Variants in LRP1B observed in about 807,000 individuals in gnomAD.
LRP1B encodes low-density lipoprotein receptor-related protein 1B.
LRP1B carries 217 observed loss-of-function variants against 556.6 expected under a neutral mutation model. That is an observed-to-expected ratio of 0.39 (90% CI 0.35 to 0.44). The LOEUF is 0.44. Ranked by LOEUF, LRP1B falls within the 20% of genes least tolerant of loss-of-function variation. LRP1B has a pLI of 1.00. For missense variants in LRP1B, 5,053 were observed against 5,620.8 expected, an observed-to-expected ratio of 0.90 and a Z score of 3.23; for synonymous variants, 2,047 against 1,865.8, an observed-to-expected ratio of 1.10 and a Z score of -2.50.
At chr2:141,343,772 T>C (rs1688151290) in intron 3 of LRP1B, among the ~76,000 whole-genome samples, 1 of 152,190 alleles carries the variant, frequency 6.6e-6, no homozygotes, top group African/African-American at 2.4e-5. Flanking sequence ...TTACCTAGCC[T>C]TGTATAGTTT....
chr2:141,671,188 T>C (rs559258245), intron 2 of LRP1B, among the ~76,000 whole-genome samples: 27 of 152,274 alleles, frequency 1.8e-4, no homozygotes, highest in African/African-American at 6.3e-4. Context: ...AAATAATCCT[T>C]GAGAAGCAAA....
intron 35 of LRP1B, among the ~76,000 whole-genome samples, chr2:140,751,228 G>C (rs1336596114): frequency 6.7e-6 from 1 of 150,046 alleles, no homozygotes; most frequent in Non-Finnish European, 1.5e-5. Context: ...CCTGACCTCA[G>C]GTGATCCGCC....
intron 2 of LRP1B, among the ~76,000 whole-genome samples, chr2:141,688,142 A>T (rs1558805032): frequency 6.6e-6 from 1 of 151,570 alleles, no homozygotes; most frequent in African/African-American, 2.4e-5. Context: ...AGCTATTCCA[A>T]TTTTTTTCCC....
intron 7 of LRP1B, among the ~76,000 whole-genome samples, chr2:141,078,069 A>C (rs542161244): frequency 2.0e-5 from 3 of 152,096 alleles, no homozygotes; most frequent in Admixed American, 2.0e-4. Flanking sequence ...ACACAACTAA[A>C]AACTACTCAT....
chr2:140,250,692 C>A (rs1681373400), intron 86 of LRP1B, among the ~76,000 whole-genome samples: 1 of 151,538 alleles, frequency 6.6e-6, no homozygotes, highest in Admixed American at 6.6e-5. Flanking sequence ...TGTTAAAATT[C>A]AGATTCTGGG....
intron 2 of LRP1B, among the ~76,000 whole-genome samples, chr2:141,604,357 A>G (rs1439414947): frequency 2.0e-5 from 3 of 152,160 alleles, no homozygotes; most frequent in Non-Finnish European, 4.4e-5. Flanking sequence ...TACAGAGGAC[A>G]TAATTTAAGA....
At chr2:140,805,582 C>T (rs991170934) in intron 32 of LRP1B, among the ~76,000 whole-genome samples, 2 of 152,146 alleles carry the variant, frequency 1.3e-5, no homozygotes, top group African/African-American at 4.8e-5. Context: ...CTCTGATTAG[C>T]ATAACTTCAC....
At chr2:141,194,708 CA>C (rs1278000352) in intron 6 of LRP1B, among the ~76,000 whole-genome samples, 1 of 152,064 alleles carries the variant, frequency 6.6e-6, no homozygotes, top group Non-Finnish European at 1.5e-5. Flanking sequence ...TCTAATTAAA[CA>C]TGTTTTTGAA....
intron 84 of LRP1B, among the ~76,000 whole-genome samples, chr2:140,291,467 CA>C (rs1683386977): frequency 6.6e-6 from 1 of 151,378 alleles, no homozygotes; most frequent in Non-Finnish European, 1.5e-5. Context: ...TCACTCCCCC[CA>C]CCCCACAACA....
chr2:140,944,303 G>A (rs1573907082), intron 20 of LRP1B, among the ~76,000 whole-genome samples: 1 of 152,030 alleles, frequency 6.6e-6, no homozygotes, highest in Non-Finnish European at 1.5e-5. Context: ...AAGAGTCCCA[G>A]ACCAGATGGA....
At chr2:141,279,662 CT>C (rs1423959182) in intron 3 of LRP1B, among the ~76,000 whole-genome samples, 1 of 152,012 alleles carries the variant, frequency 6.6e-6, no homozygotes. Flanking sequence ...TTCATTTCTT[CT>C]TTTGGAGCCT....
At chr2:140,272,792 G>A (rs1272724948) in intron 85 of LRP1B, among the ~76,000 whole-genome samples, 1 of 151,904 alleles carries the variant, frequency 6.6e-6, no homozygotes, top group African/African-American at 2.4e-5. Flanking sequence ...TCATGTTCAA[G>A]TGTTATAGCC....
chr2:140,245,391 C>T (rs1225823412), intron 87 of LRP1B, among the ~76,000 whole-genome samples: 1 of 151,330 alleles, frequency 6.6e-6, no homozygotes, highest in East Asian at 1.9e-4. Flanking sequence ...GGAGCGTATA[C>T]AAAATTTCCA....
chr2:140,874,698 A>G (rs992913710), intron 25 of LRP1B, among the ~76,000 whole-genome samples: 18 of 151,934 alleles, frequency 1.2e-4, no homozygotes, highest in Admixed American at 7.9e-4. Flanking sequence ...GTGATATTAA[A>G]TTACAGGGCT....
intron 2 of LRP1B, among the ~76,000 whole-genome samples, chr2:141,683,484 C>A (rs183108883): frequency 1.3e-5 from 2 of 152,016 alleles, no homozygotes; most frequent in Non-Finnish European, 2.9e-5. Context: ...GGATAATGGA[C>A]CCTTGTTACA....
intron 3 of LRP1B, among the ~76,000 whole-genome samples, chr2:141,391,293 T>C (rs999857020): frequency 2.6e-5 from 4 of 152,110 alleles, no homozygotes; most frequent in Non-Finnish European, 4.4e-5. Flanking sequence ...GTTGAATAAA[T>C]ATTGGTTAAA....
chr2:141,295,362 C>A (rs542027879), intron 3 of LRP1B, among the ~76,000 whole-genome samples: 2 of 152,216 alleles, frequency 1.3e-5, no homozygotes, highest in South Asian at 4.1e-4. Context: ...TTTGATTATA[C>A]CCTGTCCATT....
rs1419255516 is a variant in LRP1B at position 141,467,116 on chromosome 2, A to C, written c.343+13280T>G. 1.1e-3 allele frequency among the ~76,000 whole-genome samples: 3 copies of C among 2,682 alleles called. 1 individual carries two copies. The highest frequency in any genetic ancestry group is 1.6e-3 in the African/African-American group (3 of 1,922). 1.8% of individuals were successfully genotyped at this position (2,682 alleles called of 152,430 possible). A position where few individuals can be genotyped will look rare whatever the true frequency, so the allele number is the denominator to read the frequency against. ...CATATATATGTGTATATATATATAT[A>C]TATATATCTATATATATATATATAT... On this transcript the variant is annotated intron_variant, in intron 3 of 90. Transcript: ENST00000389484.
intron 6 of LRP1B, among the ~76,000 whole-genome samples, chr2:141,220,501 G>A (rs147838612): frequency 1.3e-3 from 201 of 151,540 alleles, no homozygotes; most frequent in African/African-American, 4.5e-3. Flanking sequence ...CATACTTCAC[G>A]ACATCCAGGA....
Sources: gnomAD v4.1 joint callset for allele counts (sites outside exome capture counted in the v4.1 genomes callset) on GRCh38, gnomAD v4.1.1 for gene constraint, MANE v1.5 for transcripts, NCBI Gene and HGNC (gene_info 2026-07-23, HGNC 2026-07-21) for gene names.